The following PCDH15 variants were observed in gnomAD, a reference collection of about 807,000 sequenced individuals.
PCDH15 encodes protocadherin related 15.
Under a neutral mutation model 178.5 loss-of-function variants are expected in PCDH15, and 129 were observed. The observed-to-expected ratio is 0.72, with a 90% confidence interval of 0.63 to 0.84. The LOEUF (loss-of-function observed/expected upper bound fraction) is 0.84, where lower values mean the gene tolerates loss of function less well. PCDH15 is among the 40% of genes least tolerant of loss of function. PCDH15 has a pLI of 0.00. For synonymous variants in PCDH15, 800 were observed against 732.0 expected (o/e 1.09, Z -1.50); for missense variants, 2,230 against 2,099.9 (o/e 1.06, Z -1.21).
At chr10:55,176,800 A>G (rs778390467) in intron 1 of PCDH15, among the ~76,000 whole-genome samples, 7 of 152,034 alleles carry the variant, frequency 4.6e-5, no homozygotes, top group Non-Finnish European at 1.0e-4. Context: ...GCATACCACT[A>G]CACCCTGACT....
chr10:54,430,370 C>G (rs957014999), intron 3 of PCDH15, among the ~76,000 whole-genome samples: 1 of 152,036 alleles, frequency 6.6e-6, no homozygotes, highest in African/African-American at 2.4e-5. Flanking sequence ...ACACATTTTT[C>G]TCTTCAGCAC....
intron 1 of PCDH15, among the ~76,000 whole-genome samples, chr10:55,269,844 C>T (rs1842395341): frequency 6.6e-6 from 1 of 151,994 alleles, no homozygotes; most frequent in Non-Finnish European, 1.5e-5. Flanking sequence ...GCAAAATGAA[C>T]AAAGCTGCAG....
chr10:55,312,639 C>CTCTTT (rs1843616050), intron 1 of PCDH15, among the ~76,000 whole-genome samples: 1 of 149,362 alleles, frequency 6.7e-6, no homozygotes, highest in Non-Finnish European at 1.5e-5. Context: ...TTTTTTTAGA[C>CTCTTT]GTAGTTTCAC....
intron 18 of PCDH15, among the ~76,000 whole-genome samples, chr10:54,064,064 G>T (rs560935281): frequency 1.3e-5 from 2 of 152,266 alleles, no homozygotes; most frequent in Non-Finnish European, 2.9e-5. Context: ...TGAGGTACGC[G>T]CACAGCTGGA....
At chr10:54,219,108 C>CAA (rs1275399406) in intron 9 of PCDH15, among the ~76,000 whole-genome samples, 2 of 77,156 alleles carry the variant, frequency 2.6e-5, no homozygotes, top group East Asian at 6.5e-4. Flanking sequence ...AAAAAAAAAA[C>CAA]AAAAAAAAAA....
intron 2 of PCDH15, among the ~76,000 whole-genome samples, chr10:55,101,695 A>C (rs1842581154): frequency 6.6e-6 from 1 of 151,632 alleles, no homozygotes; most frequent in African/African-American, 2.4e-5. Context: ...TCATTTAAAA[A>C]TACAATGTGA....
intron 2 of PCDH15, among the ~76,000 whole-genome samples, chr10:55,548,016 A>G (rs939860316): frequency 1.3e-5 from 2 of 151,772 alleles, no homozygotes; most frequent in African/African-American, 4.8e-5. Context: ...TTTACATGCC[A>G]GAGTTGAGAA....
At chr10:54,920,902 A>G (rs1356031469) in intron 2 of PCDH15, among the ~76,000 whole-genome samples, 3 of 152,212 alleles carry the variant, frequency 2.0e-5, no homozygotes, top group Non-Finnish European at 4.4e-5. Flanking sequence ...TTGATATAGT[A>G]ACCCACAGTC....
intron 2 of PCDH15, among the ~76,000 whole-genome samples, chr10:54,638,945 A>T (rs568318651): frequency 6.6e-6 from 1 of 152,270 alleles, no homozygotes; most frequent in East Asian, 1.9e-4. Flanking sequence ...GGAATATAAA[A>T]CTAAATACTT....
In PCDH15 at chr10:53,809,332, C is replaced by T. The variant is rs546490428; in HGVS notation, c.4671+1224G>A. On this transcript the variant is annotated intron_variant, in intron 37 of 37. Transcript: ENST00000644397. ...ATAATCTTTATCTTCTTCCTCAAGGCGTCTCTGCCACTCTTCACCCTCAAG... is the reference window on the plus strand; with the variant it reads ...ATAATCTTTATCTTCTTCCTCAAGGTGTCTCTGCCACTCTTCACCCTCAAG... 5.0e-5 allele frequency: 80 copies of T among 1,613,192 alleles called. No homozygotes were observed. The highest frequency in any genetic ancestry group is 4.2e-4 in the Admixed American group (25 of 59,996).
intron 15 of PCDH15, among the ~76,000 whole-genome samples, chr10:54,102,094 TCAC>T (rs1319896967): frequency 2.0e-4 from 31 of 152,180 alleles, no homozygotes; most frequent in Non-Finnish European, 7.3e-5. Context: ...CTACTAAATC[TCAC>T]TAAGAATTGT....
At chr10:54,089,852 A>G in intron 16 of PCDH15, 132 bp downstream of exon 16, 1 of 710,572 alleles carries the variant, frequency 1.4e-6, no homozygotes. Flanking sequence ...CCCAGCTACC[A>G]TTAGCATTCA....
At position 54,758,766 on chromosome 10, in the gene PCDH15, T is replaced by A. The variant is rs373524866; in HGVS notation, c.-29+42159A>T. Among the ~76,000 whole-genome samples, 6 of 152,214 alleles carry A rather than the reference T, an allele frequency of 3.9e-5. No homozygotes were observed. In the East Asian group the frequency reaches 1.2e-3, roughly 29 times the overall value. Reference sequence around the variant, plus strand: ...CTTTTGGGTTGTGTTTGGAACTATCTCTTTTCAATGAATTAACATGTGTTA... The same window carrying A: ...CTTTTGGGTTGTGTTTGGAACTATCACTTTTCAATGAATTAACATGTGTTA... On this transcript the variant is annotated intron_variant, in intron 1 of 37. Transcript: ENST00000644397.
intron 8 of PCDH15, among the ~76,000 whole-genome samples, chr10:54,282,713 A>T (rs535661000): frequency 2.8e-4 from 43 of 152,226 alleles, no homozygotes; most frequent in South Asian, 8.3e-4. Context: ...CTTGTGATGA[A>T]TTCTAGATAA....
chr10:55,411,708 T>C (rs762359577), intron 2 of PCDH15, among the ~76,000 whole-genome samples: 6 of 152,126 alleles, frequency 3.9e-5, no homozygotes, highest in Non-Finnish European at 7.4e-5. Context: ...AATTATCCAC[T>C]GTGTAAGTCA....
chr10:54,167,484 G>A (rs1479608062), intron 13 of PCDH15, among the ~76,000 whole-genome samples: 1 of 152,066 alleles, frequency 6.6e-6, no homozygotes, highest in Non-Finnish European at 1.5e-5. Flanking sequence ...TTTAATCATT[G>A]CAGGGACGCC....
intron 2 of PCDH15, among the ~76,000 whole-genome samples, chr10:55,423,946 A>G (rs1337385836): frequency 1.3e-5 from 2 of 152,070 alleles, no homozygotes; most frequent in African/African-American, 4.8e-5. Context: ...TTCAGTTTTA[A>G]AAGGGCTTTA....
chr10:55,380,122 G>A (rs1252364026), intron 2 of PCDH15, among the ~76,000 whole-genome samples: 1 of 151,996 alleles, frequency 6.6e-6, no homozygotes, highest in Non-Finnish European at 1.5e-5. Context: ...ATAAACACTG[G>A]TCTATTACCC....
intron 18 of PCDH15, among the ~76,000 whole-genome samples, chr10:54,064,660 G>A (rs1590201758): frequency 6.6e-6 from 1 of 152,340 alleles, no homozygotes; most frequent in South Asian, 2.1e-4. Context: ...TGAGGTGGCA[G>A]GGGGCTGGCA....
Sources: gnomAD v4.1 joint callset for allele counts (sites outside exome capture counted in the v4.1 genomes callset) on GRCh38, gnomAD v4.1.1 for gene constraint, MANE v1.5 for transcripts, NCBI Gene and HGNC (gene_info 2026-07-23, HGNC 2026-07-21) for gene names.